Variants in PTGR1 observed in about 807,000 individuals in gnomAD.
PTGR1 encodes prostaglandin reductase 1, also known as 15-oxoprostaglandin 13-reductase.
A neutral mutation model predicts 37.7 loss-of-function variants in PTGR1; 23 were observed. The observed-to-expected ratio is 0.61, with a 90% CI of 0.44 to 0.86. The LOEUF is 0.86. Ranked by LOEUF, PTGR1 falls within the 40% of genes least tolerant of loss-of-function variation. The pLI, the probability that PTGR1 is intolerant of heterozygous loss-of-function variation, is 0.00. For synonymous variants in PTGR1, 134 were observed against 140.0 expected (o/e 0.96, Z 0.30); for missense variants, 351 against 394.3 (o/e 0.89, Z 0.93).
At chr9:111,564,284 T>G (rs1303896397) in intron 9 of PTGR1, 1 of 459,726 alleles carries the variant, frequency 2.2e-6, no homozygotes, top group Non-Finnish European at 2.8e-6. Context: ...ACTTTTATTA[T>G]TATTATTATT....
intron 4 of PTGR1, among the ~76,000 whole-genome samples, chr9:111,586,820 T>G (rs1280778282): frequency 6.8e-6 from 1 of 147,958 alleles, no homozygotes; most frequent in Non-Finnish European, 1.5e-5. Context: ...TATATATATA[T>G]GCATACTTTT....
chr9:111,563,235 T>C lies in PTGR1; in HGVS notation c.880-4A>G, dbSNP rs759819092. 1.2e-6 allele frequency: 2 copies of C among 1,608,366 alleles called. No homozygotes were observed. The highest frequency in any genetic ancestry group is 1.7e-6 in the Non-Finnish European group (2 of 1,177,842). The stretch of plus-strand genomic sequence containing the variant: ...ATTCCTTGTACTGGATTTTACCCTG[T>C]ATCAAAGCAACAACAAATTTTAAAA... On this transcript the variant is annotated splice_region_variant and splice_polypyrimidine_tract_variant and intron_variant, in intron 9 of 9. Coordinates refer to ENST00000407693, the MANE Select transcript of PTGR1 (RefSeq NM_001146108.2).
intron 9 of PTGR1, 126 bp from the exon 10 acceptor site, chr9:111,563,357 T>C: frequency 1.1e-6 from 1 of 949,792 alleles, no homozygotes. Context: ...ATGGAAGTCC[T>C]GTCCTCCATG....
At chr9:111,585,973 A>G (rs762675325) in intron 5 of PTGR1, 25 bp downstream of exon 5, 2 of 1,610,358 alleles carry the variant, frequency 1.2e-6, no homozygotes, top group African/African-American at 2.7e-5. Flanking sequence ...CATTCAAACA[A>G]ATGGAATATA....
rs565243204 is a variant in PTGR1, at chr9:111,563,310, T to C, written c.880-79A>G. 6.7e-6 allele frequency: 9 copies of C among 1,352,778 alleles called. No individual in the cohort carries two copies. The East Asian group carries it at 2.0e-4, about 30-fold the overall frequency. The allele number at this position is 1,352,778 out of a possible 1,614,324, so 83.8% of individuals were successfully genotyped here. A position where few individuals can be genotyped will look rare whatever the true frequency, so the allele number is the denominator to read the frequency against. On this transcript the variant is annotated intron_variant, in intron 9 of 9. Transcript: ENST00000407693. ...TACTGTTCTCATCCTAGCAACAAATTTATCAGGTACATCATTGGAAACCTT... is the reference window on the plus strand; with the variant it reads ...TACTGTTCTCATCCTAGCAACAAATCTATCAGGTACATCATTGGAAACCTT...
chr9:111,554,336 G>A (rs1589284276), intron 9 of PTGR1, among the ~76,000 whole-genome samples: 1 of 152,268 alleles, frequency 6.6e-6, no homozygotes. Flanking sequence ...GTTGCCCAGA[G>A]ATCAATCATA....
chr9:111,578,647 G>T, intron 7 of PTGR1, 149 bp downstream of exon 7: 1 of 628,842 alleles, frequency 1.6e-6, no homozygotes, highest in Non-Finnish European at 2.6e-6. Flanking sequence ...ATGAAGCTTT[G>T]CTTGCTCACC....
chr9:111,565,049 G>A (rs1564610403), intron 9 of PTGR1, among the ~76,000 whole-genome samples: 1 of 152,072 alleles, frequency 6.6e-6, no homozygotes, highest in South Asian at 2.1e-4. Flanking sequence ...ACATGAACCC[G>A]GCAGGCGGAG....
intron 9 of PTGR1, among the ~76,000 whole-genome samples, chr9:111,551,785 C>T (rs117675298): frequency 0.022 from 3,373 of 152,230 alleles, 70 homozygotes; most frequent in Non-Finnish European, 0.035. Context: ...AATTATATCA[C>T]TTTCAAAACT....
chr9:111,594,851 C>CTT (rs35698448), intron 2 of PTGR1, among the ~76,000 whole-genome samples: 11,858 of 95,588 alleles, frequency 0.12, 1,083 homozygotes, highest in East Asian at 0.21. Context: ...CGACCGGCCT[C>CTT]TTTTTTTTTT....
chr9:111,570,267 C>T, intron 8 of PTGR1, 58 bp from the exon 9 acceptor site: 1 of 1,569,386 alleles, frequency 6.4e-7, no homozygotes, highest in Non-Finnish European at 8.6e-7. Context: ...CATGGTGAAA[C>T]AAGCAGTACA....
At position 111,594,206 on chromosome 9, in the gene PTGR1, G is replaced by A. The variant is rs1829707699; in HGVS notation, c.152+16C>T. 3.7e-6 allele frequency: 6 copies of A among 1,607,374 alleles called. No homozygotes were observed. The highest frequency in any genetic ancestry group is 5.1e-6 in the Non-Finnish European group (6 of 1,173,976). On this transcript the variant is annotated intron_variant, in intron 3 of 9. Transcript: ENST00000407693. ...TAACACAGCATTAGCATTTTGAGGG[G>A]CGAAATAAATAATACCTCATGTAGG...
downstream of PTGR1, among the ~76,000 whole-genome samples, chr9:111,560,719 G>A (rs1488415351): frequency 1.2e-4 from 18 of 148,084 alleles, no homozygotes; most frequent in Middle Eastern, 3.5e-3. Context: ...CGAGGTGGCC[G>A]GATCACAAGG....
chr9:111,598,630 G>T (rs1829853577), intron 1 of PTGR1, among the ~76,000 whole-genome samples: 1 of 152,176 alleles, frequency 6.6e-6, no homozygotes, highest in African/African-American at 2.4e-5. Flanking sequence ...GAGTAGCTGG[G>T]ATTACAGGCG....
chr9:111,559,720 C>T (rs1828221207), downstream of PTGR1, among the ~76,000 whole-genome samples: 1 of 152,176 alleles, frequency 6.6e-6, no homozygotes, highest in African/African-American at 2.4e-5. Flanking sequence ...CCTCTTTGCT[C>T]TGCTGTGGGC....
intron 1 of PTGR1, among the ~76,000 whole-genome samples, chr9:111,597,949 G>A (rs188052563): frequency 1.3e-5 from 2 of 150,880 alleles, no homozygotes; most frequent in Admixed American, 1.3e-4. Flanking sequence ...CAGAACTCCT[G>A]AAAACCACCG....
At chr9:111,553,955 C>T (rs905231601) in intron 9 of PTGR1, among the ~76,000 whole-genome samples, 1 of 152,158 alleles carries the variant, frequency 6.6e-6, no homozygotes, top group Non-Finnish European at 1.5e-5. Context: ...GTGTGGAGCA[C>T]ATAACTTCCA....
chr9:111,567,232 T>C lies in PTGR1; in HGVS notation c.879+2859A>G, dbSNP rs540267180. Among the ~76,000 whole-genome samples the C allele has an allele frequency of 2.0e-5, 3 of 152,308 alleles. No homozygotes were observed. In the East Asian group the frequency reaches 5.8e-4, roughly 29 times the overall value. On this transcript the variant is annotated intron_variant, in intron 9 of 9. Coordinates refer to ENST00000407693, the MANE Select transcript of PTGR1 (RefSeq NM_001146108.2). ...GAGATGGAGTTGTACTCTGTCACTG[T>C]GCTGGAGTGCAGTGGCACGATCTTG...
At chr9:111,589,716 C>A (rs1177893370) in intron 4 of PTGR1, among the ~76,000 whole-genome samples, 1 of 152,084 alleles carries the variant, frequency 6.6e-6, no homozygotes, top group Admixed American at 6.6e-5. Context: ...CTGCTCACTG[C>A]AACCTCCTCC....
Sources: gnomAD v4.1 joint callset for allele counts (sites outside exome capture counted in the v4.1 genomes callset) on GRCh38, gnomAD v4.1.1 for gene constraint, MANE v1.5 for transcripts, NCBI Gene and HGNC (gene_info 2026-07-23, HGNC 2026-07-21) for gene names.